ERO1B: variants seen among roughly 807,000 people sequenced by gnomAD.
ERO1B encodes endoplasmic reticulum oxidoreductase 1 beta.
ERO1B carries 49 observed loss-of-function variants against 75.3 expected under a neutral mutation model. The observed-to-expected ratio is 0.65, with a 90% CI of 0.52 to 0.83. The LOEUF (loss-of-function observed/expected upper bound fraction) is 0.83. Among genes scored for constraint, ERO1B ranks in the 40% least tolerant of loss-of-function variants. The pLI is 0.00. For missense variants in ERO1B, 512 were observed against 560.1 expected (o/e 0.91, Z 0.87); for synonymous variants, 191 against 192.9 (o/e 0.99, Z 0.08).
chr1:236,273,361 G>C (rs1352965057), intron 1 of ERO1B, among the ~76,000 whole-genome samples: 1 of 152,092 alleles, frequency 6.6e-6, no homozygotes, highest in Non-Finnish European at 1.5e-5. Context: ...CAGAACTACA[G>C]CATAATAAAT....
chr1:236,253,517 GAACA>G lies in ERO1B; in HGVS notation c.223-16_223-13del. 1.3e-6 allele frequency: 2 copies of G among 1,576,476 alleles called. No individual in the cohort carries two copies. Among genetic ancestry groups the G allele is most frequent in the Non-Finnish European group, 1.7e-6 (2 of 1,150,062 alleles). Reference sequence around the variant, plus strand: ...CGCTTCAGATTAACCTTGAAAGAAAGAACAAAGTTAGTAAACTCATATTATAGTT... The same window carrying G: ...CGCTTCAGATTAACCTTGAAAGAAAGAAGTTAGTAAACTCATATTATAGTT... On this transcript the variant is annotated splice_polypyrimidine_tract_variant and intron_variant, in intron 2 of 15. Coordinates refer to ENST00000354619, the MANE Select transcript of ERO1B (RefSeq NM_019891.4).
At chr1:236,234,691 G>C (rs1638606949) in intron 8 of ERO1B, among the ~76,000 whole-genome samples, 1 of 152,196 alleles carries the variant, frequency 6.6e-6, no homozygotes, top group African/African-American at 2.4e-5. Context: ...AGTCTATGCA[G>C]TCAACCCTTC....
chr1:236,268,615 G>A (rs139028626), intron 2 of ERO1B, among the ~76,000 whole-genome samples: 4,799 of 152,044 alleles, frequency 0.032, 251 homozygotes, highest in African/African-American at 0.11. Flanking sequence ...GGCCGGGCGC[G>A]GTGGCTCACG....
intron 6 of ERO1B, 52 bp downstream of exon 6, chr1:236,243,370 T>C (rs1175263422): frequency 8.0e-7 from 1 of 1,243,094 alleles, no homozygotes; most frequent in African/African-American, 1.5e-5. Context: ...TAAAATGTCT[T>C]ATAAAAGGGT....
intron 6 of ERO1B, among the ~76,000 whole-genome samples, chr1:236,237,639 G>A (rs1664577416): frequency 1.3e-5 from 2 of 152,060 alleles, no homozygotes; most frequent in African/African-American, 4.8e-5. Context: ...ACCGTTTGTT[G>A]TCATGAATTT....
chr1:236,254,423 A>G (rs1726654), intron 2 of ERO1B, among the ~76,000 whole-genome samples: 37,678 of 151,938 alleles, frequency 0.25, 4,858 homozygotes, highest in East Asian at 0.38. Flanking sequence ...AGATCAGATC[A>G]TATCAATCCC....
chr1:236,224,927 T>G, intron 13 of ERO1B, 143 bp downstream of exon 13: 2 of 725,946 alleles, frequency 2.8e-6, no homozygotes, highest in Non-Finnish European at 4.7e-6. Context: ...GAAAGGCTTT[T>G]TGTACCATTT....
chr1:236,271,831 T>G (rs80348063), intron 1 of ERO1B, among the ~76,000 whole-genome samples: 19,011 of 152,014 alleles, frequency 0.13, 1,303 homozygotes, highest in South Asian at 0.2. Flanking sequence ...TATGCTTGAG[T>G]TTTTTTGTTC....
chr1:236,234,982 AAT>A (rs528693741), intron 8 of ERO1B, among the ~76,000 whole-genome samples: 9 of 152,342 alleles, frequency 5.9e-5, no homozygotes, highest in African/African-American at 1.9e-4. Flanking sequence ...CTACAACAAA[AAT>A]ATGTTACATG....
At chr1:236,275,002 G>C (rs1488511062) in intron 1 of ERO1B, among the ~76,000 whole-genome samples, 1 of 152,194 alleles carries the variant, frequency 6.6e-6, no homozygotes, top group African/African-American at 2.4e-5. Flanking sequence ...CAGGCATTGG[G>C]AGTGAGTGCA....
intron 9 of ERO1B, among the ~76,000 whole-genome samples, chr1:236,230,961 A>G (rs1664394583): frequency 6.6e-6 from 1 of 151,970 alleles, no homozygotes; most frequent in Admixed American, 6.6e-5. Flanking sequence ...AATCTTATTC[A>G]TTGAAGGTGT....
At chr1:236,223,202 C>CAA (rs11322079) in intron 13 of ERO1B, among the ~76,000 whole-genome samples, 966 of 80,544 alleles carry the variant, frequency 0.012, 14 homozygotes, top group African/African-American at 0.04. Context: ...AACTCTGTCT[C>CAA]AAAAAAAAAA....
At position 236,215,908 on chromosome 1, in the gene ERO1B, A is replaced by G. The variant is rs1426790778; in HGVS notation, c.*2608T>C. 5 of 140,588 alleles carry G rather than the reference A, an allele frequency of 3.6e-5. No individual in the cohort carries two copies. Among genetic ancestry groups the G allele is most frequent in the Non-Finnish European group, 7.9e-5 (5 of 63,596 alleles). The allele number at this position is 140,588 out of a possible 1,614,324, so 8.7% of individuals were successfully genotyped here. A position where few individuals can be genotyped will look rare whatever the true frequency, so the allele number is the denominator to read the frequency against. ...TAGGCAAAGTTGAAAAACATGGCAGAGTTTCATATACATACAGAGATTACA... is the reference window on the plus strand; with the variant it reads ...TAGGCAAAGTTGAAAAACATGGCAGGGTTTCATATACATACAGAGATTACA... On this transcript the variant is annotated 3_prime_UTR_variant, in exon 16 of 16. Coordinates refer to ENST00000354619, the MANE Select transcript of ERO1B (RefSeq NM_019891.4).
intron 4 of ERO1B, among the ~76,000 whole-genome samples, chr1:236,250,224 C>A (rs1321464707): frequency 6.6e-6 from 1 of 152,068 alleles, no homozygotes; most frequent in Non-Finnish European, 1.5e-5. Flanking sequence ...GTAATCAGCA[C>A]TTTGGGAGGC....
chr1:236,259,674 AT>A lies in ERO1B; in HGVS notation c.223-6170del, dbSNP rs1231606031. On this transcript the variant is annotated intron_variant, in intron 2 of 15. Transcript: ENST00000354619. The stretch of plus-strand genomic sequence containing the variant: ...TTTAAAATGATAAGGGGGTCAATTT[AT>A]CAAGAAGTTACAAAAACTAAATATA... Among the ~76,000 whole-genome samples the A allele has an allele frequency of 6.7e-5, 10 of 150,302 alleles. No homozygotes were observed. In the East Asian group the frequency reaches 1.6e-3, roughly 24 times the overall value.
intron 2 of ERO1B, among the ~76,000 whole-genome samples, chr1:236,260,439 C>G (rs561769840): frequency 3.3e-5 from 5 of 152,266 alleles, no homozygotes; most frequent in Admixed American, 3.3e-4. Flanking sequence ...GCAGGTGGAT[C>G]ACCTGAGGTC....
intron 8 of ERO1B, among the ~76,000 whole-genome samples, chr1:236,234,096 A>G (rs764239561): frequency 6.6e-6 from 1 of 152,244 alleles, no homozygotes; most frequent in Admixed American, 6.5e-5. Context: ...AACCAATTTC[A>G]ATGGAGATAG....
Position 236,217,102 on chromosome 1 carries a change from T to A in ERO1B, c.*1414A>T, listed in dbSNP as rs907578387. Reference sequence around the variant, plus strand: ...GTGAGCCAAGCCAACTAAATACAATTTTTTAGATGTCACCAAATCATCAAT... The same window carrying A: ...GTGAGCCAAGCCAACTAAATACAATATTTTAGATGTCACCAAATCATCAAT... On this transcript the variant is annotated 3_prime_UTR_variant, in exon 16 of 16. Transcript: ENST00000354619. 6.6e-6 allele frequency: 1 copy of A among 151,982 alleles called. No homozygotes were observed. The highest frequency in any genetic ancestry group is 1.5e-5 in the Non-Finnish European group (1 of 67,936). The allele number at this position is 151,982 out of a possible 1,614,324, so 9.4% of individuals were successfully genotyped here. A position where few individuals can be genotyped will look rare whatever the true frequency, so the allele number is the denominator to read the frequency against.
intron 7 of ERO1B, 96 bp from the exon 8 acceptor site, chr1:236,235,931 TC>T: frequency 1.9e-6 from 2 of 1,060,510 alleles, no homozygotes; most frequent in Non-Finnish European, 2.8e-6. Flanking sequence ...CTCCCCACCC[TC>T]TTTTTTTTTT....
Sources: gnomAD v4.1 joint callset for allele counts (sites outside exome capture counted in the v4.1 genomes callset) on GRCh38, gnomAD v4.1.1 for gene constraint, MANE v1.5 for transcripts, NCBI Gene and HGNC (gene_info 2026-07-23, HGNC 2026-07-21) for gene names.